The following RAP1B variants were observed in gnomAD, a reference collection of about 807,000 sequenced individuals.
RAP1B encodes RAP1B, member of RAS oncogene family.
A neutral mutation model predicts 27.5 loss-of-function variants in RAP1B; 1 was observed. The observed-to-expected ratio is 0.04, with a 90% CI of 0.01 to 0.17. RAP1B has a LOEUF of 0.17. RAP1B is among the 10% of genes least tolerant of loss of function. The probability of loss-of-function intolerance (pLI) is 1.00; values close to 1 mark genes in which losing one functional copy is unlikely to be tolerated. For missense variants in RAP1B, 84 were observed against 214.8 expected (o/e 0.39, Z 3.81); for synonymous variants, 75 against 73.1 (o/e 1.03, Z -0.13).
intron 4 of RAP1B, among the ~76,000 whole-genome samples, chr12:68,652,489 T>G (rs1365980921): frequency 6.6e-6 from 1 of 152,154 alleles, no homozygotes; most frequent in Admixed American, 6.5e-5. Flanking sequence ...TGCTAAACTT[T>G]AAATCTTTTT....
rs41306429 is a variant in RAP1B, at chr12:68,659,820, G to T, written c.*571G>T. ...AATTTTTAAAAAACCTGTGGAGACG[G>T]TGATCTTGTCTTTAAAACATGATAG... On this transcript the variant is annotated 3_prime_UTR_variant, in exon 8 of 8. Coordinates refer to ENST00000250559, the MANE Select transcript of RAP1B (RefSeq NM_001010942.3). 2.8e-3 allele frequency: 429 copies of T among 152,546 alleles called. 2 individuals carry two copies. Among genetic ancestry groups the T allele is most frequent in the Non-Finnish European group, 4.3e-3 (290 of 67,994 alleles). 9.4% of individuals were successfully genotyped at this position (152,546 alleles called of 1,614,324 possible).
rs1874708857 is a variant in RAP1B, at chr12:68,663,341, G to A, written c.*4092G>A. The A allele has an allele frequency of 6.6e-6, 1 of 152,192 alleles. No homozygotes were observed. Among genetic ancestry groups the A allele is most frequent in the Non-Finnish European group, 1.5e-5 (1 of 68,078 alleles). 9.4% of individuals were successfully genotyped at this position (152,192 alleles called of 1,614,324 possible). A position where few individuals can be genotyped will look rare whatever the true frequency, so the allele number is the denominator to read the frequency against. On this transcript the variant is annotated 3_prime_UTR_variant, in exon 8 of 8. Coordinates refer to ENST00000250559, the MANE Select transcript of RAP1B (RefSeq NM_001010942.3). ...GCCTCCCAAAGTGCTGGGATTACAG[G>A]TGTGAGCCACCGCACCCAGCCTAAT... is the stretch of plus-strand genomic sequence containing the variant.
At chr12:68,644,739 A>C (rs1025632278) in intron 1 of RAP1B, among the ~76,000 whole-genome samples, 1 of 115,242 alleles carries the variant, frequency 8.7e-6, no homozygotes, top group Non-Finnish European at 1.7e-5. Context: ...CCCAGGCTGG[A>C]GTGCAGTGGT....
chr12:68,623,419 TGGTAGA>T, intron 1 of RAP1B, among the ~76,000 whole-genome samples: 1 of 152,318 alleles, frequency 6.6e-6, no homozygotes, highest in East Asian at 1.9e-4. Flanking sequence ...TGTTTTGCCC[TGGTAGA>T]TGTTTGTAAA....
chr12:68,626,878 G>T (rs1236775461), intron 1 of RAP1B: 2 of 1,576,082 alleles, frequency 1.3e-6, no homozygotes, highest in African/African-American at 1.3e-5. Flanking sequence ...CCTCATGAGT[G>T]CAGGGCCCGC....
chr12:68,643,402 A>C (rs1309143628), intron 1 of RAP1B, among the ~76,000 whole-genome samples: 1 of 152,178 alleles, frequency 6.6e-6, no homozygotes, highest in African/African-American at 2.4e-5. Flanking sequence ...TAAATATTGC[A>C]TTGATATAAG....
intron 1 of RAP1B, among the ~76,000 whole-genome samples, chr12:68,633,501 T>C (rs1030645260): frequency 2.6e-5 from 4 of 152,202 alleles, no homozygotes; most frequent in Non-Finnish European, 5.9e-5. Context: ...ACAGAGTGTC[T>C]TCTGGGCTTT....
Position 68,660,509 on chromosome 12 carries a change from G to A in RAP1B, c.*1260G>A, listed in dbSNP as rs1874539139. The stretch of plus-strand genomic sequence containing the variant: ...CAATAAATTTGGATTGCCATGCAAG[G>A]GCTTGCATTATAATTACTTGCCACT... On this transcript the variant is annotated 3_prime_UTR_variant, in exon 8 of 8. Transcript: ENST00000250559. The A allele has an allele frequency of 6.6e-6, 1 of 152,574 alleles. No individual in the cohort carries two copies. Among genetic ancestry groups the A allele is most frequent in the Non-Finnish European group, 1.5e-5 (1 of 68,026 alleles). 9.5% of individuals were successfully genotyped at this position (152,574 alleles called of 1,614,324 possible). A position where few individuals can be genotyped will look rare whatever the true frequency, so the allele number is the denominator to read the frequency against.
At chr12:68,616,475 C>G (rs1043649404) in intron 1 of RAP1B, among the ~76,000 whole-genome samples, 1 of 122,302 alleles carries the variant, frequency 8.2e-6, no homozygotes, top group Non-Finnish European at 1.6e-5. Context: ...GAGACGGAGT[C>G]TCTCTCTGTC....
rs184149634 is a variant in RAP1B at position 68,627,505 on chromosome 12, G to A, written c.-27+16462G>A. Reference sequence around the variant, plus strand: ...CTTTAAAATTGATTAGGTCTCCCGGGCTTCTGGGCCTTCACATTTAAATTT... The same window carrying A: ...CTTTAAAATTGATTAGGTCTCCCGGACTTCTGGGCCTTCACATTTAAATTT... On this transcript the variant is annotated intron_variant, in intron 1 of 7. Transcript: ENST00000250559. 2.7e-3 allele frequency: 686 copies of A among 253,172 alleles called. 2 individuals carry two copies. Among genetic ancestry groups the A allele is most frequent in the Non-Finnish European group, 3.8e-3 (488 of 128,462 alleles). The allele number at this position is 253,172 out of a possible 1,614,324, so 15.7% of individuals were successfully genotyped here.
chr12:68,619,879 G>GT, intron 1 of RAP1B, among the ~76,000 whole-genome samples: 2 of 152,194 alleles, frequency 1.3e-5, no homozygotes, highest in Admixed American at 1.3e-4. Flanking sequence ...TTAGATAATA[G>GT]TTATTTTTAA....
chr12:68,637,158 TAGTG>T (rs1166121867), intron 1 of RAP1B, among the ~76,000 whole-genome samples: 9 of 152,294 alleles, frequency 5.9e-5, no homozygotes, highest in East Asian at 1.9e-4. Flanking sequence ...ATAGACCAAA[TAGTG>T]GGTACCAAAA....
At chr12:68,639,630 A>T (rs780479794) in intron 1 of RAP1B, among the ~76,000 whole-genome samples, 34 of 152,322 alleles carry the variant, frequency 2.2e-4, no homozygotes, top group African/African-American at 6.7e-4. Context: ...GCTGAGGAAA[A>T]GAGGTACATA....
chr12:68,627,177 G>A, intron 1 of RAP1B: 2 of 1,552,826 alleles, frequency 1.3e-6, no homozygotes, highest in South Asian at 1.1e-5. Flanking sequence ...TCGCATGCCT[G>A]TTTGGAACCT....
chr12:68,648,746 G>A lies in RAP1B; in HGVS notation c.22G>A (p.Val8Ile), dbSNP rs370617266. 5.0e-6 allele frequency: 8 copies of A among 1,610,748 alleles called. No homozygotes were observed. The highest frequency in any genetic ancestry group is 4.0e-5 in the African/African-American group (3 of 74,190). The change falls in exon 2 of 8, where the codon GTT becomes ATT. Residue 8 changes from valine (V) to isoleucine (I), a missense_variant. Coordinates refer to ENST00000250559, the MANE Select transcript of RAP1B (RefSeq NM_001010942.3). MREYKLV[V>I]LGSGGVGKSA... ...CATCATGCGTGAGTATAAGCTAGTC[G>A]TTCTTGGCTCAGGAGGCGTTGGAAA...
chr12:68,643,713 T>G (rs1873190755), intron 1 of RAP1B, among the ~76,000 whole-genome samples: 1 of 152,132 alleles, frequency 6.6e-6, no homozygotes, highest in Non-Finnish European at 1.5e-5. Flanking sequence ...TATTTTTGAG[T>G]TTTCTAAAGT....
In RAP1B at chr12:68,654,353, G is replaced by GT. The variant is rs1021925382; in HGVS notation, c.324+101_324+102insT. 72 of 450,832 alleles carry GT rather than the reference G, an allele frequency of 1.6e-4. 10 individuals carry two copies. The highest frequency in any genetic ancestry group is 1.3e-3 in the Middle Eastern group (3 of 2,324). The allele number at this position is 450,832 out of a possible 1,614,324, so 27.9% of individuals were successfully genotyped here. ...TTTTAAAGCTTGTGTATTTTGGTTG[G>GT]GGGGGGGGTGTTGGTTTTTTTAAAC... On this transcript the variant is annotated intron_variant, in intron 5 of 7. Transcript: ENST00000250559.
intron 7 of RAP1B, among the ~76,000 whole-genome samples, chr12:68,658,954 G>T (rs1156770870): frequency 6.6e-6 from 1 of 152,182 alleles, no homozygotes; most frequent in Non-Finnish European, 1.5e-5. Context: ...TAATAAGGTT[G>T]ACTTGACTAA....
chr12:68,642,615 C>G lies in RAP1B; in HGVS notation c.-26-6084C>G, dbSNP rs972235150. Reference sequence around the variant, plus strand: ...TTCAAGTCCTCAGTGGTCATCTGATCAAATGGAATTAAGTTCTTCATCTTC... The same window carrying G: ...TTCAAGTCCTCAGTGGTCATCTGATGAAATGGAATTAAGTTCTTCATCTTC... On this transcript the variant is annotated intron_variant, in intron 1 of 7. Transcript: ENST00000250559. The G allele has an allele frequency of 8.7e-6, 9 of 1,034,238 alleles. No individual in the cohort carries two copies. In the African/African-American group the frequency reaches 1.4e-4, roughly 16 times the overall value. The allele number at this position is 1,034,238 out of a possible 1,614,324, so 64.1% of individuals were successfully genotyped here.
Sources: gnomAD v4.1 joint callset for allele counts (sites outside exome capture counted in the v4.1 genomes callset) on GRCh38, gnomAD v4.1.1 for gene constraint, MANE v1.5 for transcripts, NCBI Gene and HGNC (gene_info 2026-07-23, HGNC 2026-07-21) for gene names.